ZNF571: variants seen among roughly 807,000 people sequenced by gnomAD.
ZNF571 encodes the protein zinc finger protein 571.
Under a neutral mutation model 7.7 loss-of-function variants are expected in ZNF571, and 4 were observed. The observed-to-expected ratio is 0.52, with a 90% CI of 0.25 to 1.18. The LOEUF is 1.18. Ranked by LOEUF, ZNF571 falls within the 50% of genes most tolerant of loss-of-function variation. The pLI is 0.14. For missense variants in ZNF571, 704 were observed against 726.9 expected (o/e 0.97, Z 0.36); for synonymous variants, 251 against 232.4 (o/e 1.08, Z -0.73).
In ZNF571 at chr19:37,564,901, C is replaced by T. The variant is rs959101803; in HGVS notation, c.1527G>A (p.Lys509=). The T allele has an allele frequency of 6.2e-7, 1 of 1,614,006 alleles. No individual in the cohort carries two copies. The highest frequency in any genetic ancestry group is 2.2e-5 in the East Asian group (1 of 44,858). ...TAAGTTGTGAGCCATAAATAAAGGC[C>T]TTGTCACATTCCTTACATTTGTAGG... ...EKPYKCKECD[K]AFIYGSQLSE... is the part of the protein sequence containing the mutation. Residue 509 remains lysine (K), a synonymous_variant, in exon 4 of 4, where the codon AAG becomes AAA. Transcript: ENST00000451802.
At position 37,564,951 on chromosome 19, in the gene ZNF571, GATGAT is replaced by G. The variant is rs1201100864; in HGVS notation, c.1472_1476del (p.Tyr491SerfsTer7). On this transcript the variant is annotated frameshift_variant, in exon 4 of 4. Transcript: ENST00000451802. LOFTEE classifies it low-confidence loss of function (END_TRUNC). ...GGCTTTTCACCTGTATGAATTCTTT[GATGAT>G]ATGTAAGTTGTGTAGCACGTACAAA... is the stretch of plus-strand genomic sequence containing the variant. 4 of 1,613,744 alleles carry G rather than the reference GATGAT, an allele frequency of 2.5e-6. No individual in the cohort carries two copies. The East Asian group carries it at 8.9e-5, about 36-fold the overall frequency.
At chr19:37,589,864 C>CAGAAAA (rs2043813860) in intron 1 of ZNF571, among the ~76,000 whole-genome samples, 1 of 29,590 alleles carries the variant, frequency 3.4e-5, no homozygotes. Context: ...GACTCCATCT[C>CAGAAAA]AAAAAAAAAA....
At chr19:37,575,555 A>G (rs2043214535) in intron 3 of ZNF571, 1 of 152,230 alleles carries the variant, frequency 6.6e-6, no homozygotes, top group Non-Finnish European at 1.5e-5. Flanking sequence ...AACTTGCTTG[A>G]GATGTGTCCC....
At chr19:37,568,610 G>A (rs958599583) in intron 3 of ZNF571, among the ~76,000 whole-genome samples, 9 of 152,120 alleles carry the variant, frequency 5.9e-5, no homozygotes, top group Non-Finnish European at 1.0e-4. Flanking sequence ...TGAGAACACA[G>A]GATGGTGCTA....
intron 3 of ZNF571, among the ~76,000 whole-genome samples, chr19:37,577,328 A>G (rs1476550454): frequency 6.6e-6 from 1 of 152,196 alleles, no homozygotes; most frequent in African/African-American, 2.4e-5. Flanking sequence ...AAACCAGCCT[A>G]CATCTGGAAG....
chr19:37,567,189 T>C (rs2042891482), intron 3 of ZNF571, among the ~76,000 whole-genome samples: 1 of 152,260 alleles, frequency 6.6e-6, no homozygotes, highest in African/African-American at 2.4e-5. Flanking sequence ...ATATACCATT[T>C]CTAAAGTTTG....
chr19:37,565,314 AG>A lies in ZNF571; in HGVS notation c.1113del (p.Arg374ValfsTer9), dbSNP rs776616294. The part of the protein sequence containing the change: ...KPYECKECGK[T>X]FFRGSQLTYH... ...TAAGTAAGTTGTGAGCCACGAAAAA[AG>A]GTCTTCCCGCATTCTTTACATTCAT... On this transcript the variant is annotated frameshift_variant, in exon 4 of 4. Transcript: ENST00000451802. LOFTEE classifies it low-confidence loss of function (END_TRUNC). 6.0e-5 allele frequency: 97 copies of A among 1,611,102 alleles called. 1 individual carries two copies. The South Asian group carries it at 9.4e-4, about 16-fold the overall frequency.
At chr19:37,575,691 G>A (rs1051546548) in intron 3 of ZNF571, 1 of 152,092 alleles carries the variant, frequency 6.6e-6, no homozygotes, top group Non-Finnish European at 1.5e-5. Flanking sequence ...TGGACTAATG[G>A]CTAACCAGTC....
At chr19:37,589,200 C>CA (rs35689698) in intron 1 of ZNF571, among the ~76,000 whole-genome samples, 52,146 of 107,666 alleles carry the variant, frequency 0.48, 12,688 homozygotes, top group East Asian at 0.62. Flanking sequence ...AACTCCGTCT[C>CA]AAAAAAAAAA....
chr19:37,578,027 C>T (rs2043304652), intron 3 of ZNF571, among the ~76,000 whole-genome samples: 1 of 152,132 alleles, frequency 6.6e-6, no homozygotes, highest in African/African-American at 2.4e-5. Context: ...CATAGGAGCT[C>T]GAACCCTATA....
intron 3 of ZNF571, among the ~76,000 whole-genome samples, chr19:37,573,018 A>G (rs1020699935): frequency 1.3e-5 from 2 of 152,228 alleles, no homozygotes; most frequent in African/African-American, 4.8e-5. Flanking sequence ...GATTGATTAT[A>G]GAATCTTCAA....
At chr19:37,591,135 C>T (rs940049569) in intron 1 of ZNF571, among the ~76,000 whole-genome samples, 22 of 152,244 alleles carry the variant, frequency 1.4e-4, no homozygotes, top group Admixed American at 1.1e-3. Flanking sequence ...CTAGAATAAA[C>T]GACAGCCTTA....
chr19:37,579,920 A>G (rs1286807596), intron 3 of ZNF571, among the ~76,000 whole-genome samples: 1 of 152,166 alleles, frequency 6.6e-6, no homozygotes, highest in East Asian at 1.9e-4. Context: ...TTCTTATTTT[A>G]CCAGGTTTTG....
chr19:37,567,328 A>C (rs2042895954), intron 3 of ZNF571, among the ~76,000 whole-genome samples: 1 of 152,190 alleles, frequency 6.6e-6, no homozygotes, highest in African/African-American at 2.4e-5. Context: ...TTTCTAAAAT[A>C]TATATGTTCC....
chr19:37,587,131 T>C (rs969150020), intron 1 of ZNF571: 2 of 158,662 alleles, frequency 1.3e-5, no homozygotes, highest in African/African-American at 4.8e-5. Flanking sequence ...CTCACAGACA[T>C]TTTGACAGAC....
At chr19:37,580,915 G>A (rs1463998334) in intron 3 of ZNF571, among the ~76,000 whole-genome samples, 1 of 152,194 alleles carries the variant, frequency 6.6e-6, no homozygotes, top group African/African-American at 2.4e-5. Flanking sequence ...TAGTAACACA[G>A]TATGAACTAA....
chr19:37,578,993 T>C (rs1278840477), intron 3 of ZNF571, among the ~76,000 whole-genome samples: 1 of 151,436 alleles, frequency 6.6e-6, no homozygotes, highest in African/African-American at 2.4e-5. Context: ...TCAGTCTCCA[T>C]TGCAGGAGTC....
intron 3 of ZNF571, among the ~76,000 whole-genome samples, chr19:37,572,341 T>C (rs1490860554): frequency 6.6e-6 from 1 of 152,174 alleles, no homozygotes; most frequent in Non-Finnish European, 1.5e-5. Flanking sequence ...ATACCAGAAA[T>C]AAACAATTCA....
intron 3 of ZNF571, among the ~76,000 whole-genome samples, chr19:37,576,598 ACAGCATAAAACATGTTTTTAACAAAACT>A (rs1452741556): frequency 1.3e-5 from 2 of 152,316 alleles, no homozygotes; most frequent in East Asian, 1.9e-4. Flanking sequence ...AATTAACAAA[ACAGCATAAAACATGTTTTTAACAAAACT>A]CAGCATAAAA....
Sources: allele counts gnomAD v4.1 joint callset (sites outside exome capture counted in the v4.1 genomes callset), GRCh38; gene constraint gnomAD v4.1.1; transcripts MANE v1.5; gene names NCBI Gene and HGNC (gene_info 2026-07-23, HGNC 2026-07-21).